NFIA: variants seen among roughly 807,000 people sequenced by gnomAD.
NFIA encodes the protein nuclear factor 1 A-type.
NFIA carries 8 observed loss-of-function variants against 62.8 expected under a neutral mutation model. That is an observed-to-expected ratio of 0.13 (90% CI 0.07 to 0.23). The LOEUF is 0.23. Ranked by LOEUF, NFIA falls within the 10% of genes least tolerant of loss-of-function variation. NFIA has a pLI of 1.00. For synonymous variants in NFIA, 235 were observed against 238.1 expected (o/e 0.99, Z 0.12); for missense variants, 410 against 642.1 (o/e 0.64, Z 3.91).
intron 6 of NFIA, among the ~76,000 whole-genome samples, chr1:61,373,018 A>T (rs1663980230): frequency 6.6e-6 from 1 of 152,180 alleles, no homozygotes. Context: ...CCTTTAAAAA[A>T]ATTCATTTTC....
chr1:61,196,384 C>T (rs904125140), intron 2 of NFIA, among the ~76,000 whole-genome samples: 5 of 152,132 alleles, frequency 3.3e-5, no homozygotes, highest in Non-Finnish European at 5.9e-5. Context: ...GAAATCTTCA[C>T]TTGAACCAGC....
chr1:61,385,760 C>T (rs1664651048), intron 7 of NFIA: 1 of 152,138 alleles, frequency 6.6e-6, no homozygotes, highest in Non-Finnish European at 1.5e-5. Context: ...TAGCTCACAG[C>T]ATAACAAGTT....
chr1:61,102,929 G>A (rs1443981104), intron 2 of NFIA, among the ~76,000 whole-genome samples: 2 of 152,162 alleles, frequency 1.3e-5, no homozygotes. Context: ...CTGAGAGGGT[G>A]TTTCAAGACT....
intron 10 of NFIA, among the ~76,000 whole-genome samples, chr1:61,451,093 A>G (rs1463295190): frequency 6.6e-6 from 1 of 152,106 alleles, no homozygotes; most frequent in Non-Finnish European, 1.5e-5. Flanking sequence ...TACGAAATGG[A>G]AGAGATTGGC....
chr1:61,083,561 C>G (rs1430513123), intron 1 of NFIA, among the ~76,000 whole-genome samples: 2 of 150,736 alleles, frequency 1.3e-5, no homozygotes, highest in African/African-American at 4.9e-5. Flanking sequence ...CCGCGCCGGC[C>G]GGGTGGAGCC....
chr1:61,221,187 A>G (rs1386046229), intron 2 of NFIA, among the ~76,000 whole-genome samples: 3 of 152,162 alleles, frequency 2.0e-5, no homozygotes, highest in Admixed American at 6.5e-5. Context: ...TCAGAATAAC[A>G]GTTGTTTGAA....
chr1:61,221,239 A>G (rs969351499), intron 2 of NFIA, among the ~76,000 whole-genome samples: 3 of 152,152 alleles, frequency 2.0e-5, no homozygotes, highest in African/African-American at 7.2e-5. Flanking sequence ...TAATAAGATT[A>G]CTATTATTAT....
chr1:61,291,620 G>A (rs1658887336), intron 3 of NFIA, among the ~76,000 whole-genome samples: 1 of 152,226 alleles, frequency 6.6e-6, no homozygotes, highest in South Asian at 2.1e-4. Flanking sequence ...TCAATAGCAA[G>A]TGAGTGCCTG....
rs534882996 is a variant in NFIA, at chr1:61,084,067, G to A, written c.27+1249G>A. 5.9e-5 allele frequency among the ~76,000 whole-genome samples: 9 copies of A among 152,110 alleles called. No individual in the cohort carries two copies. The East Asian group carries it at 1.2e-3, about 20-fold the overall frequency. On this transcript the variant is annotated intron_variant, in intron 1 of 10. Transcript: ENST00000403491. Reference sequence around the variant, plus strand: ...TAAGCGTGAGATTTCATACTGCTTTGGTACATTAGGATCTGACCATTAATC... The same window carrying A: ...TAAGCGTGAGATTTCATACTGCTTTAGTACATTAGGATCTGACCATTAATC...
At chr1:61,210,454 A>C (rs915359567) in intron 2 of NFIA, among the ~76,000 whole-genome samples, 4 of 152,194 alleles carry the variant, frequency 2.6e-5, no homozygotes, top group African/African-American at 9.6e-5. Context: ...ACATATGGAG[A>C]AGGAGACTTA....
intron 10 of NFIA, among the ~76,000 whole-genome samples, chr1:61,453,967 T>A (rs1290818009): frequency 3.3e-5 from 5 of 152,180 alleles, no homozygotes; most frequent in African/African-American, 1.2e-4. Flanking sequence ...GGTCTGGGCT[T>A]AAGTTTTTTA....
At chr1:61,423,556 T>C (rs1455811351) in intron 9 of NFIA, among the ~76,000 whole-genome samples, 1 of 152,216 alleles carries the variant, frequency 6.6e-6, no homozygotes, top group African/African-American at 2.4e-5. Flanking sequence ...ATGAATATGA[T>C]ATAATATCAT....
intron 6 of NFIA, among the ~76,000 whole-genome samples, chr1:61,374,398 A>T (rs1244571435): frequency 1.3e-5 from 2 of 152,118 alleles, no homozygotes; most frequent in South Asian, 2.1e-4. Context: ...TATATGGAGC[A>T]TGTAACACAA....
chr1:61,342,193 ATT>A (rs113110354), intron 4 of NFIA, among the ~76,000 whole-genome samples: 92 of 146,826 alleles, frequency 6.3e-4, no homozygotes, highest in Middle Eastern at 7.3e-3. Context: ...ATTGAAAACT[ATT>A]TTTTTTTTTT....
intron 7 of NFIA, among the ~76,000 whole-genome samples, chr1:61,388,711 T>A (rs1664824443): frequency 6.6e-6 from 1 of 152,218 alleles, no homozygotes; most frequent in African/African-American, 2.4e-5. Context: ...GGGAATCTTT[T>A]GGTATAATGT....
chr1:61,188,161 C>A lies in NFIA; in HGVS notation c.560-89359C>A, dbSNP rs1434895351. The stretch of plus-strand genomic sequence containing the variant: ...CTCCCGGGTTCAAGTGATTCTCCTG[C>A]CTCAGCCCCGGAGTAACTGGGACCA... On this transcript the variant is annotated intron_variant, in intron 2 of 10. Transcript: ENST00000403491. Among the ~76,000 whole-genome samples the A allele has an allele frequency of 2.6e-5, 4 of 152,204 alleles. No individual in the cohort carries two copies. In the East Asian group the frequency reaches 7.7e-4, roughly 29 times the overall value.
intron 2 of NFIA, among the ~76,000 whole-genome samples, chr1:61,107,763 A>G (rs926922426): frequency 6.6e-6 from 1 of 151,594 alleles, no homozygotes; most frequent in East Asian, 1.9e-4. Flanking sequence ...TTAGAAGTAT[A>G]TGGTATTTTT....
At chr1:61,352,400 T>C (rs745710622) in intron 4 of NFIA, 50 bp from the exon 5 acceptor site, 5 of 1,344,458 alleles carry the variant, frequency 3.7e-6, no homozygotes, top group Non-Finnish European at 4.3e-6. Context: ...TGTCATTGAT[T>C]TTTTTATCCA....
intron 9 of NFIA, among the ~76,000 whole-genome samples, chr1:61,419,550 C>T (rs535618685): frequency 6.6e-6 from 1 of 152,272 alleles, no homozygotes; most frequent in African/African-American, 2.4e-5. Context: ...AAGGGTTACT[C>T]TGGTCTCCTC....
Sources: gnomAD v4.1 joint callset for allele counts (sites outside exome capture counted in the v4.1 genomes callset) on GRCh38, gnomAD v4.1.1 for gene constraint, MANE v1.5 for transcripts, NCBI Gene and HGNC (gene_info 2026-07-23, HGNC 2026-07-21) for gene names.